Variants in FGF14 observed in about 807,000 individuals in gnomAD.
FGF14 encodes the protein fibroblast growth factor 14.
FGF14 carries 5 observed loss-of-function variants against 25.5 expected under a neutral mutation model. The observed-to-expected ratio is 0.20, with a 90% CI of 0.10 to 0.41. The LOEUF (loss-of-function observed/expected upper bound fraction) is 0.41, where lower values mean the gene tolerates loss of function less well. Among genes scored for constraint, FGF14 ranks in the 10% least tolerant of loss-of-function variants. The pLI is 1.00. For synonymous variants in FGF14, 138 were observed against 118.3 expected (o/e 1.17, Z -1.08); for missense variants, 222 against 320.1 (o/e 0.69, Z 2.34).
chr13:101,990,752 A>T (rs1216054666), intron 1 of FGF14, among the ~76,000 whole-genome samples: 1 of 152,120 alleles, frequency 6.6e-6, no homozygotes, highest in Non-Finnish European at 1.5e-5. Context: ...TCCATTAGCT[A>T]CAAATAATAT....
Position 101,850,282 on chromosome 13 carries a change from A to C in FGF14, c.408+18443T>G, listed in dbSNP as rs1372642977. Among the ~76,000 whole-genome samples the C allele has an allele frequency of 1.1e-3, 115 of 103,744 alleles. 17 individuals are homozygous for C. The highest frequency in any genetic ancestry group is 4.2e-3 in the Middle Eastern group (1 of 240). The allele number at this position is 103,744 out of a possible 152,430, so 68.1% of individuals were successfully genotyped here. A position where few individuals can be genotyped will look rare whatever the true frequency, so the allele number is the denominator to read the frequency against. On this transcript the variant is annotated intron_variant, in intron 3 of 4. Transcript: ENST00000376143. ...AACCCTGCCTCTACTAAAAATCCAA[A>C]AAAAAAAAAAAAAAAAAAAAAAATA...
chr13:101,973,707 T>G (rs2037752605), intron 1 of FGF14, among the ~76,000 whole-genome samples: 1 of 152,212 alleles, frequency 6.6e-6, no homozygotes, highest in African/African-American at 2.4e-5. Context: ...CTAGCCGTGC[T>G]GGCAGCTGAT....
intron 1 of FGF14, among the ~76,000 whole-genome samples, chr13:102,030,310 G>A (rs1049721139): frequency 4.6e-5 from 7 of 152,002 alleles, no homozygotes; most frequent in African/African-American, 1.7e-4. Flanking sequence ...AGAGATGAGT[G>A]TCCCAGGGAG....
intron 1 of FGF14, among the ~76,000 whole-genome samples, chr13:102,169,637 G>A (rs575432514): frequency 5.2e-4 from 79 of 152,252 alleles, no homozygotes; most frequent in African/African-American, 1.8e-3. Flanking sequence ...GTATGAAGAT[G>A]CGCACATGTT....
chr13:102,378,268 G>T (rs2058086775), intron 1 of FGF14, among the ~76,000 whole-genome samples: 1 of 152,130 alleles, frequency 6.6e-6, no homozygotes, highest in South Asian at 2.1e-4. Flanking sequence ...GTGGTATATT[G>T]GTAATGGAGA....
At chr13:102,036,606 T>A (rs1038437263) in intron 1 of FGF14, among the ~76,000 whole-genome samples, 2 of 151,942 alleles carry the variant, frequency 1.3e-5, no homozygotes, top group African/African-American at 4.8e-5. Flanking sequence ...TATATGAAAT[T>A]TCTGAAGATA....
At chr13:101,787,218 G>T (rs2039890676) in intron 3 of FGF14, among the ~76,000 whole-genome samples, 1 of 152,072 alleles carries the variant, frequency 6.6e-6, no homozygotes, top group Non-Finnish European at 1.5e-5. Flanking sequence ...ATAAAGCTAA[G>T]CCAATAATAC....
chr13:102,326,517 G>A (rs2056427861), intron 1 of FGF14, among the ~76,000 whole-genome samples: 1 of 151,794 alleles, frequency 6.6e-6, no homozygotes. Context: ...ATCGCTGAAG[G>A]AAGAAAAAAG....
At position 101,809,535 on chromosome 13, in the gene FGF14, T is replaced by C. The variant is rs116859673; in HGVS notation, c.408+59190A>G. On this transcript the variant is annotated intron_variant, in intron 3 of 4. Transcript: ENST00000376143. Reference sequence around the variant, plus strand: ...CCTACAAATGTGCACAGTGGACTATTACCAATTGAGAGGACACAAGCTGGC... The same window carrying C: ...CCTACAAATGTGCACAGTGGACTATCACCAATTGAGAGGACACAAGCTGGC... Among the ~76,000 whole-genome samples, 62 of 152,286 alleles carry C rather than the reference T, an allele frequency of 4.1e-4. 1 individual carries two copies. The East Asian group carries it at 0.011, about 27-fold the overall frequency.
intron 3 of FGF14, among the ~76,000 whole-genome samples, chr13:101,813,110 A>C (rs2041661671): frequency 6.6e-6 from 1 of 152,124 alleles, no homozygotes; most frequent in Non-Finnish European, 1.5e-5. Context: ...CCTTGTGTAC[A>C]GGTGGTGAGA....
chr13:101,958,635 CTAT>C (rs1340914401), intron 1 of FGF14, among the ~76,000 whole-genome samples: 1 of 152,172 alleles, frequency 6.6e-6, no homozygotes, highest in East Asian at 1.9e-4. Flanking sequence ...TAGAATACTA[CTAT>C]AAGTCTTGAC....
At chr13:101,783,270 G>C (rs1461301514) in intron 3 of FGF14, among the ~76,000 whole-genome samples, 2 of 151,852 alleles carry the variant, frequency 1.3e-5, no homozygotes, top group African/African-American at 4.8e-5. Flanking sequence ...AGGAGATCAA[G>C]ACCATCCTGG....
chr13:102,161,643 G>GTACCCC (rs1566765047), intron 1 of FGF14, among the ~76,000 whole-genome samples: 426 of 12,658 alleles, frequency 0.034, 55 homozygotes, highest in African/African-American at 0.11. Flanking sequence ...AGAAGAAGAA[G>GTACCCC]AAGAAGAAGA....
chr13:101,953,271 TCTGA>T (rs1285505769), intron 1 of FGF14, among the ~76,000 whole-genome samples: 4 of 152,272 alleles, frequency 2.6e-5, no homozygotes, highest in Admixed American at 6.5e-5. Flanking sequence ...TTTATATTCT[TCTGA>T]CTTTTTTCTG....
chr13:102,187,804 T>TAGGC (rs1475650891), intron 1 of FGF14, among the ~76,000 whole-genome samples: 1 of 152,208 alleles, frequency 6.6e-6, no homozygotes, highest in Non-Finnish European at 1.5e-5. Context: ...CATTTAAGAC[T>TAGGC]AGGCCCTTTT....
At chr13:102,222,092 A>G (rs1735148624) in intron 1 of FGF14, among the ~76,000 whole-genome samples, 1 of 152,208 alleles carries the variant, frequency 6.6e-6, no homozygotes, top group South Asian at 2.1e-4. Flanking sequence ...TACAGTCTTC[A>G]GAGACTATGA....
At chr13:101,989,786 TA>T (rs2038796026) in intron 1 of FGF14, among the ~76,000 whole-genome samples, 3 of 152,116 alleles carry the variant, frequency 2.0e-5, no homozygotes, top group Non-Finnish European at 4.4e-5. Context: ...GGGCTTTAAC[TA>T]GGTTCTCTAG....
chr13:101,949,394 CT>C (rs2036014703), intron 1 of FGF14, among the ~76,000 whole-genome samples: 1 of 152,074 alleles, frequency 6.6e-6, no homozygotes, highest in Non-Finnish European at 1.5e-5. Flanking sequence ...CCTATTCTTC[CT>C]GAGTGCTTCT....
At chr13:101,998,553 A>AAT (rs10652537) in intron 1 of FGF14, among the ~76,000 whole-genome samples, 2,864 of 152,252 alleles carry the variant, frequency 0.019, 97 homozygotes, top group African/African-American at 0.066. Context: ...CAGTTCTTGA[A>AAT]AGATTGTTGT....
Sources: allele counts gnomAD v4.1 joint callset (sites outside exome capture counted in the v4.1 genomes callset), GRCh38; gene constraint gnomAD v4.1.1; transcripts MANE v1.5; gene names NCBI Gene and HGNC (gene_info 2026-07-23, HGNC 2026-07-21).